Variants in CACNG2 observed in about 807,000 individuals in gnomAD.
CACNG2 encodes calcium voltage-gated channel auxiliary subunit gamma 2, also known as voltage-dependent calcium channel gamma-2 subunit.
CACNG2 carries 3 observed loss-of-function variants against 25.9 expected under a neutral mutation model. The ratio of observed to expected loss-of-function variants is 0.12; its 90% CI spans 0.05 to 0.30. The LOEUF is 0.30. CACNG2 is among the 10% of genes least tolerant of loss of function. The pLI is 1.00. For synonymous variants in CACNG2, 167 were observed against 173.3 expected (o/e 0.96, Z 0.29); for missense variants, 341 against 432.5 (o/e 0.79, Z 1.88).
At chr22:36,629,492 C>CTG (rs1190810641) in intron 1 of CACNG2, among the ~76,000 whole-genome samples, 3 of 150,898 alleles carry the variant, frequency 2.0e-5, no homozygotes, top group African/African-American at 4.9e-5. Context: ...GGGCAACTAA[C>CTG]TGTGTGTGTG....
At chr22:36,644,017 A>T (rs1242630391) in intron 1 of CACNG2, among the ~76,000 whole-genome samples, 2 of 152,210 alleles carry the variant, frequency 1.3e-5, no homozygotes, top group Non-Finnish European at 2.9e-5. Flanking sequence ...TGTTATGGGC[A>T]AACTGAAAAA....
At chr22:36,596,998 C>T (rs528123932) in intron 1 of CACNG2, among the ~76,000 whole-genome samples, 25 of 152,108 alleles carry the variant, frequency 1.6e-4, no homozygotes, top group African/African-American at 5.3e-4. Flanking sequence ...GCGATCCGCC[C>T]TCCTCAGCCA....
intron 2 of CACNG2, among the ~76,000 whole-genome samples, chr22:36,568,221 G>C (rs1172616682): frequency 1.3e-5 from 2 of 152,068 alleles, no homozygotes; most frequent in Non-Finnish European, 2.9e-5. Flanking sequence ...GGACCCTTTG[G>C]CCAAGCCCAG....
intron 1 of CACNG2, among the ~76,000 whole-genome samples, chr22:36,656,870 C>G (rs576565284): frequency 5.3e-5 from 8 of 152,332 alleles, no homozygotes; most frequent in Admixed American, 2.0e-4. Flanking sequence ...CTCTGGCCCC[C>G]TTCCTGTTTA....
intron 1 of CACNG2, among the ~76,000 whole-genome samples, chr22:36,643,957 C>T (rs1012148708): frequency 6.6e-6 from 1 of 152,172 alleles, no homozygotes; most frequent in Non-Finnish European, 1.5e-5. Context: ...GAGAAATTCT[C>T]AGGCAGTCTA....
At chr22:36,637,459 A>G (rs1936374728) in intron 1 of CACNG2, among the ~76,000 whole-genome samples, 2 of 152,054 alleles carry the variant, frequency 1.3e-5, no homozygotes, top group African/African-American at 4.8e-5. Context: ...ATTTTCTTTA[A>G]AAATGTTTAC....
At chr22:36,580,261 C>T (rs1935390914) in intron 2 of CACNG2, among the ~76,000 whole-genome samples, 1 of 152,018 alleles carries the variant, frequency 6.6e-6, no homozygotes, top group African/African-American at 2.4e-5. Flanking sequence ...GTAAATTCAC[C>T]CCCCAGACGG....
intron 2 of CACNG2, among the ~76,000 whole-genome samples, chr22:36,570,762 CAA>C (rs11445356): frequency 3.9e-4 from 25 of 64,170 alleles, no homozygotes; most frequent in South Asian, 1.9e-3. Flanking sequence ...GACTCCATCT[CAA>C]AAAAAAAAAA....
At chr22:36,602,773 AACTGC>A (rs1358385228) in intron 1 of CACNG2, among the ~76,000 whole-genome samples, 1 of 152,204 alleles carries the variant, frequency 6.6e-6, no homozygotes, top group Non-Finnish European at 1.5e-5. Flanking sequence ...GAGTGCCAAG[AACTGC>A]ACTATATAAG....
chr22:36,570,497 C>T (rs906505527), intron 2 of CACNG2, among the ~76,000 whole-genome samples: 12 of 152,126 alleles, frequency 7.9e-5, no homozygotes, highest in African/African-American at 2.9e-4. Flanking sequence ...CGGTGGCTCA[C>T]GCCTGTAATC....
chr22:36,697,734 T>A (rs2034735536), intron 1 of CACNG2, among the ~76,000 whole-genome samples: 1 of 152,018 alleles, frequency 6.6e-6, no homozygotes, highest in African/African-American at 2.4e-5. Context: ...GTTGTCAGGG[T>A]TCTTTGAATT....
At chr22:36,566,583 G>A (rs1237298566) in intron 2 of CACNG2, 90 bp from the exon 3 acceptor site, 4 of 1,404,220 alleles carry the variant, frequency 2.8e-6, no homozygotes, top group South Asian at 1.2e-5. Context: ...GCCCCGAGGC[G>A]CTGGGGGTTT....
At chr22:36,599,530 T>A (rs999739886) in intron 1 of CACNG2, among the ~76,000 whole-genome samples, 1 of 151,980 alleles carries the variant, frequency 6.6e-6, no homozygotes, top group Admixed American at 6.6e-5. Context: ...CGAAATCCTG[T>A]CTCTACAAAA....
intron 2 of CACNG2, among the ~76,000 whole-genome samples, chr22:36,578,692 G>A (rs1054217151): frequency 6.6e-6 from 1 of 152,162 alleles, no homozygotes; most frequent in Admixed American, 6.5e-5. Flanking sequence ...CAGGAAGGGT[G>A]GCTCTGGCCC....
At chr22:36,636,821 C>A (rs529804279) in intron 1 of CACNG2, among the ~76,000 whole-genome samples, 1 of 152,214 alleles carries the variant, frequency 6.6e-6, no homozygotes, top group Admixed American at 6.5e-5. Flanking sequence ...TGCCCTGTGG[C>A]GGTGTAGGCA....
intron 1 of CACNG2, among the ~76,000 whole-genome samples, chr22:36,599,172 A>G (rs1055050433): frequency 2.0e-5 from 3 of 152,212 alleles, no homozygotes; most frequent in African/African-American, 7.2e-5. Context: ...ATAGCATAGT[A>G]TATTGATGTA....
intron 1 of CACNG2, among the ~76,000 whole-genome samples, chr22:36,659,271 T>C (rs1486059213): frequency 2.6e-5 from 4 of 151,982 alleles, no homozygotes; most frequent in African/African-American, 9.7e-5. Context: ...GCTCCGACCC[T>C]ACCAAGTCAG....
chr22:36,614,170 G>T (rs887509659), intron 1 of CACNG2, among the ~76,000 whole-genome samples: 1 of 152,106 alleles, frequency 6.6e-6, no homozygotes, highest in Non-Finnish European at 1.5e-5. Flanking sequence ...TTCGACAGCT[G>T]CTTTGATCTT....
rs555771798 is a variant in CACNG2 at position 36,624,886 on chromosome 22, G to C, written c.212-37338C>G. ...CTACTAAAAATACAAAAATTAGCTG[G>C]GTGTGGTGGCATGTGCCTATAATTC... On this transcript the variant is annotated intron_variant, in intron 1 of 3. Coordinates refer to ENST00000300105, the MANE Select transcript of CACNG2 (RefSeq NM_006078.5). Among the ~76,000 whole-genome samples the C allele has an allele frequency of 2.6e-3, 399 of 152,006 alleles. 2 individuals are homozygous for C. The highest frequency in any genetic ancestry group is 9.1e-3 in the African/African-American group (379 of 41,470).
Sources: gnomAD v4.1 joint callset for allele counts (sites outside exome capture counted in the v4.1 genomes callset) on GRCh38, gnomAD v4.1.1 for gene constraint, MANE v1.5 for transcripts, NCBI Gene and HGNC (gene_info 2026-07-23, HGNC 2026-07-21) for gene names.